Variants in TRHDE observed in about 807,000 individuals in gnomAD.
The protein encoded by TRHDE is thyrotropin-releasing hormone-degrading ectoenzyme.
Under a neutral mutation model 125.7 loss-of-function variants are expected in TRHDE, and 72 were observed. The observed-to-expected ratio is 0.57, with a 90% CI of 0.47 to 0.70. TRHDE has a LOEUF of 0.70. Among genes scored for constraint, TRHDE ranks in the 30% least tolerant of loss-of-function variants. TRHDE has a pLI of 0.00. For missense variants in TRHDE, 1,110 were observed against 1,327.1 expected, an observed-to-expected ratio of 0.84 and a Z score of 2.54; for synonymous variants, 509 against 509.1, an observed-to-expected ratio of 1.00 and a Z score of 0.00.
intron 2 of TRHDE, among the ~76,000 whole-genome samples, chr12:72,192,359 A>AT (rs1283492697): frequency 6.6e-6 from 1 of 152,164 alleles, no homozygotes; most frequent in Non-Finnish European, 1.5e-5. Flanking sequence ...ATAGAAATCA[A>AT]TTAATTGTCT....
At chr12:72,625,662 G>A (rs1020809016) in intron 15 of TRHDE, among the ~76,000 whole-genome samples, 9 of 151,606 alleles carry the variant, frequency 5.9e-5, no homozygotes, top group African/African-American at 2.2e-4. Context: ...AGTGCTTTTT[G>A]TGTATTATCT....
chr12:72,655,665 C>T (rs910586504), intron 17 of TRHDE, among the ~76,000 whole-genome samples: 1 of 152,088 alleles, frequency 6.6e-6, no homozygotes, highest in Non-Finnish European at 1.5e-5. Context: ...TAGTATAATA[C>T]CTTCAAGGAA....
rs144062522 is a variant in TRHDE at position 72,159,565 on chromosome 12, A to C, written n.279+53813A>C. ...AGATGATATATAATTATTTTTGACTATATGTAGGGATTTTCAAATCAGATA... is the reference window on the plus strand; with the variant it reads ...AGATGATATATAATTATTTTTGACTCTATGTAGGGATTTTCAAATCAGATA... On this transcript the variant is annotated intron_variant and non_coding_transcript_variant, in intron 2 of 4. Transcript: ENST00000548156. Among the ~76,000 whole-genome samples the C allele has an allele frequency of 4.4e-3, 668 of 152,322 alleles. 28 individuals are homozygous for C. The highest frequency in any genetic ancestry group is 0.042 in the Admixed American group (646 of 15,298).
intron 12 of TRHDE, among the ~76,000 whole-genome samples, chr12:72,586,905 T>A (rs570701536): frequency 3.9e-5 from 6 of 152,096 alleles, no homozygotes; most frequent in Non-Finnish European, 7.3e-5. Flanking sequence ...AATGATTGAA[T>A]ATCAGAATTT....
intron 2 of TRHDE, among the ~76,000 whole-genome samples, chr12:72,150,024 T>A (rs1255171407): frequency 3.9e-5 from 6 of 152,152 alleles, no homozygotes; most frequent in Admixed American, 3.9e-4. Context: ...TGCAATAAAT[T>A]TTTAATGGGT....
At chr12:72,302,003 A>G (rs1404015167) in intron 2 of TRHDE, among the ~76,000 whole-genome samples, 1 of 152,174 alleles carries the variant, frequency 6.6e-6, no homozygotes, top group Non-Finnish European at 1.5e-5. Context: ...CAAAATTTGT[A>G]GTGTTTATTT....
intron 2 of TRHDE, among the ~76,000 whole-genome samples, chr12:72,336,081 G>A (rs1415404146): frequency 2.0e-5 from 3 of 152,174 alleles, no homozygotes; most frequent in African/African-American, 7.2e-5. Context: ...TGGAGATGCA[G>A]TTTTCTTTAG....
At chr12:72,528,168 T>C (rs1868374474) in intron 6 of TRHDE, among the ~76,000 whole-genome samples, 1 of 152,204 alleles carries the variant, frequency 6.6e-6, no homozygotes, top group South Asian at 2.1e-4. Context: ...AAATCTAATT[T>C]GTAATAATTC....
chr12:72,385,907 T>C (rs1305250244), intron 3 of TRHDE, among the ~76,000 whole-genome samples: 1 of 152,160 alleles, frequency 6.6e-6, no homozygotes, highest in African/African-American at 2.4e-5. Context: ...ATGCATGAGA[T>C]TATTACTTCT....
chr12:72,445,410 T>C (rs566009403), intron 3 of TRHDE, among the ~76,000 whole-genome samples: 1 of 152,068 alleles, frequency 6.6e-6, no homozygotes, highest in Non-Finnish European at 1.5e-5. Flanking sequence ...GATTGATTGC[T>C]TGTGCTTCTC....
intron 10 of TRHDE, among the ~76,000 whole-genome samples, chr12:72,572,688 TAAG>T (rs897606172): frequency 2.0e-5 from 3 of 152,076 alleles, no homozygotes. Context: ...ATGACATACT[TAAG>T]AACAATAGAG....
At chr12:72,608,861 G>A (rs1872543002) in intron 12 of TRHDE, among the ~76,000 whole-genome samples, 1 of 152,178 alleles carries the variant, frequency 6.6e-6, no homozygotes. Context: ...TATCATGGGT[G>A]TGGTGTAGGA....
At chr12:72,377,381 G>T (rs1871937551) in intron 2 of TRHDE, among the ~76,000 whole-genome samples, 1 of 150,830 alleles carries the variant, frequency 6.6e-6, no homozygotes. Context: ...TCTGGATTGT[G>T]TTAGAAATAT....
chr12:72,410,743 A>G (rs1873460030), intron 3 of TRHDE, among the ~76,000 whole-genome samples: 1 of 152,148 alleles, frequency 6.6e-6, no homozygotes, highest in Non-Finnish European at 1.5e-5. Flanking sequence ...TGCATAGCAG[A>G]ATCAAACCTA....
At chr12:72,389,406 C>G (rs1012704312) in intron 3 of TRHDE, among the ~76,000 whole-genome samples, 4 of 152,198 alleles carry the variant, frequency 2.6e-5, no homozygotes, top group African/African-American at 4.8e-5. Flanking sequence ...GAAAGATTTG[C>G]TCTTTCACTT....
At chr12:72,223,211 G>A (rs894675169) in intron 2 of TRHDE, among the ~76,000 whole-genome samples, 6 of 152,048 alleles carry the variant, frequency 3.9e-5, no homozygotes, top group African/African-American at 1.2e-4. Flanking sequence ...GAGAAGACCC[G>A]AGTTTAGCTG....
chr12:72,286,208 G>T (rs1879880252), intron 1 of TRHDE, among the ~76,000 whole-genome samples: 1 of 152,180 alleles, frequency 6.6e-6, no homozygotes, highest in Non-Finnish European at 1.5e-5. Flanking sequence ...ACAAAACCAG[G>T]CTGTGTCTTG....
intron 2 of TRHDE, among the ~76,000 whole-genome samples, chr12:72,243,046 T>C (rs542241012): frequency 3.7e-4 from 56 of 152,334 alleles, no homozygotes; most frequent in African/African-American, 1.2e-3. Flanking sequence ...AAGGCTGTTA[T>C]ATCAAGATGT....
intron 2 of TRHDE, among the ~76,000 whole-genome samples, chr12:72,217,667 A>T (rs1877920080): frequency 6.6e-6 from 1 of 152,310 alleles, no homozygotes; most frequent in Admixed American, 6.5e-5. Context: ...TAAAGCAGCA[A>T]GATCTCTGCA....
Sources: allele counts gnomAD v4.1 joint callset (sites outside exome capture counted in the v4.1 genomes callset), GRCh38; gene constraint gnomAD v4.1.1; transcripts MANE v1.5; gene names NCBI Gene and HGNC (gene_info 2026-07-23, HGNC 2026-07-21).